ARGLU1: variants seen among roughly 807,000 people sequenced by gnomAD.
ARGLU1 encodes arginine and glutamate-rich protein 1.
In ARGLU1, 9 loss-of-function variants were observed where a neutral mutation model predicts 37.6. The observed-to-expected ratio is 0.24, with a 90% CI of 0.14 to 0.42. ARGLU1 has a LOEUF of 0.42. Ranked by LOEUF, ARGLU1 falls within the 10% of genes least tolerant of loss-of-function variation. The probability of loss-of-function intolerance (pLI) is 1.00; values close to 1 mark genes in which losing one functional copy is unlikely to be tolerated. For synonymous variants in ARGLU1, 166 were observed against 138.5 expected (o/e 1.20, Z -1.39); for missense variants, 211 against 359.2 (o/e 0.59, Z 3.34).
At chr13:106,559,726 T>A in intron 1 of ARGLU1, 69 bp from the exon 2 acceptor site, 1 of 1,493,478 alleles carries the variant, frequency 6.7e-7, no homozygotes, top group South Asian at 1.4e-5. Context: ...ACAAAACTAG[T>A]TTTAAGTCTA....
chr13:106,548,142 C>G (rs921683513), intron 3 of ARGLU1, among the ~76,000 whole-genome samples: 55 of 152,122 alleles, frequency 3.6e-4, no homozygotes, highest in African/African-American at 1.3e-3. Context: ...TTTTGTTCTA[C>G]TATGGCTTTA....
At chr13:106,562,719 C>T (rs1880843656) in intron 1 of ARGLU1, among the ~76,000 whole-genome samples, 2 of 151,996 alleles carry the variant, frequency 1.3e-5, no homozygotes, top group South Asian at 2.1e-4. Context: ...AGGCTGGGCG[C>T]GGTGGCTCAC....
At chr13:106,566,832 A>G (rs745519509) in intron 1 of ARGLU1, among the ~76,000 whole-genome samples, 13 of 152,194 alleles carry the variant, frequency 8.5e-5, no homozygotes, top group Non-Finnish European at 1.6e-4. Flanking sequence ...TGTTTGCTAC[A>G]GGAATAGAAA....
Position 106,557,181 on chromosome 13 carries a change from T to G in ARGLU1, c.574-50A>C. On this transcript the variant is annotated intron_variant, in intron 2 of 3. Coordinates refer to ENST00000400198, the MANE Select transcript of ARGLU1 (RefSeq NM_018011.4). This position sits in a 1 kb window ranked among gnomAD's most constrained non-coding sequence, Gnocchi z 5.0. ...ATTAGAAAAACAAAATGTTTATTTT[T>G]ATTGATAAATATTTACTAATCTTCC... The G allele has an allele frequency of 6.9e-7, 1 of 1,450,174 alleles. No individual in the cohort carries two copies. The highest frequency in any genetic ancestry group is 2.4e-5 in the East Asian group (1 of 42,540). The allele number at this position is 1,450,174 out of a possible 1,614,324, so 89.8% of individuals were successfully genotyped here. A position where few individuals can be genotyped will look rare whatever the true frequency, so the allele number is the denominator to read the frequency against.
rs1014700657 is a variant in ARGLU1, at chr13:106,567,500, C to G, written c.347+73G>C. The G allele has an allele frequency of 1.8e-6, 2 of 1,138,470 alleles. No homozygotes were observed. The highest frequency in any genetic ancestry group is 1.3e-5 in the South Asian group (1 of 78,392). 70.5% of individuals were successfully genotyped at this position (1,138,470 alleles called of 1,614,324 possible). ...GCCATTCTCCCGGCCCGCACCGTCCCGCCCCGGCCCCACGCCCTCGCCCCG... is the reference window on the plus strand; with the variant it reads ...GCCATTCTCCCGGCCCGCACCGTCCGGCCCCGGCCCCACGCCCTCGCCCCG... On this transcript the variant is annotated intron_variant, in intron 1 of 3. Coordinates refer to ENST00000400198, the MANE Select transcript of ARGLU1 (RefSeq NM_018011.4). The surrounding 1 kb of genome is among the most constrained non-coding windows in gnomAD (Gnocchi z 4.3).
At chr13:106,566,719 A>G (rs568237577) in intron 1 of ARGLU1, among the ~76,000 whole-genome samples, 1 of 152,358 alleles carries the variant, frequency 6.6e-6, no homozygotes, top group African/African-American at 2.4e-5. Flanking sequence ...CTCTAACTCT[A>G]GTTTTCACTA....
At chr13:106,556,566 A>G (rs1880666383) in intron 3 of ARGLU1, among the ~76,000 whole-genome samples, 1 of 151,986 alleles carries the variant, frequency 6.6e-6, no homozygotes, top group Admixed American at 6.6e-5. Context: ...ATCTTTCTAT[A>G]TTATATAATT....
chr13:106,553,648 G>C (rs780475434), intron 3 of ARGLU1, among the ~76,000 whole-genome samples: 2 of 152,070 alleles, frequency 1.3e-5, no homozygotes, highest in East Asian at 3.8e-4. Flanking sequence ...AAGAAAAGAG[G>C]GGGACATTTC....
At chr13:106,556,952 A>C (rs1880675267) in intron 3 of ARGLU1, 96 bp downstream of exon 3, 2 of 1,062,804 alleles carry the variant, frequency 1.9e-6, no homozygotes, top group Non-Finnish European at 2.9e-6. Context: ...CCCCCAAAAT[A>C]AGTCAAATTA....
intron 2 of ARGLU1, chr13:106,559,107 C>T (rs1190574197): frequency 7.9e-7 from 1 of 1,259,044 alleles, no homozygotes; most frequent in Non-Finnish European, 1.0e-6. Context: ...TTTCCCTTTA[C>T]CACTCCCTGT....
At chr13:106,556,514 T>C (rs1474688976) in intron 3 of ARGLU1, among the ~76,000 whole-genome samples, 1 of 151,776 alleles carries the variant, frequency 6.6e-6, no homozygotes, top group Non-Finnish European at 1.5e-5. Flanking sequence ...AATTTCTTTA[T>C]ACCATGTAAC....
intron 3 of ARGLU1, among the ~76,000 whole-genome samples, chr13:106,547,498 C>T (rs1405373654): frequency 6.6e-6 from 1 of 151,830 alleles, no homozygotes; most frequent in Non-Finnish European, 1.5e-5. Flanking sequence ...AAATAAATTA[C>T]TGAAGATATA....
At chr13:106,564,357 T>C (rs1880899951) in intron 1 of ARGLU1, among the ~76,000 whole-genome samples, 1 of 152,216 alleles carries the variant, frequency 6.6e-6, no homozygotes, top group Admixed American at 6.5e-5. Context: ...CAAGACAGAT[T>C]ATCTCCATTT....
chr13:106,550,147 G>A (rs1880498954), intron 3 of ARGLU1, among the ~76,000 whole-genome samples: 1 of 152,026 alleles, frequency 6.6e-6, no homozygotes, highest in African/African-American at 2.4e-5. Flanking sequence ...GTCTTTTCTG[G>A]TTCCTACAAC....
In ARGLU1 at chr13:106,567,750, C is replaced by A; in HGVS notation, c.170G>T (p.Arg57Leu). 11 of 1,611,468 alleles carry A rather than the reference C, an allele frequency of 6.8e-6. No individual in the cohort carries two copies. The highest frequency in any genetic ancestry group is 8.5e-6 in the Non-Finnish European group (10 of 1,179,138). ...CACGGCCGTGTTGGTGGAGCGCGAA[C>A]GGGACCGCGACTCCCGCCGCCGGTT... ...KRNRRRESRS[R>L]SRSTNTAVSR... Residue 57 changes from arginine to leucine, a missense_variant, in exon 1 of 4, where the codon CGT (arginine) becomes CTT (leucine). Physicochemically the swap from Arg to Leu is moderately radical, Grantham distance 102. Transcript: ENST00000400198. This position sits in a 1 kb window ranked among gnomAD's most constrained non-coding sequence, Gnocchi z 4.3.
intron 2 of ARGLU1, chr13:106,559,191 C>T: frequency 6.8e-7 from 1 of 1,468,976 alleles, no homozygotes; most frequent in Non-Finnish European, 9.0e-7. Context: ...TCTCAAATAG[C>T]CAGTTCCATT....
At chr13:106,553,272 T>G (rs1000193398) in intron 3 of ARGLU1, among the ~76,000 whole-genome samples, 1 of 152,204 alleles carries the variant, frequency 6.6e-6, no homozygotes, top group Non-Finnish European at 1.5e-5. Context: ...TCATATTGGA[T>G]ATATAAATTT....
chr13:106,554,215 T>C (rs191445435), intron 3 of ARGLU1, among the ~76,000 whole-genome samples: 7 of 152,356 alleles, frequency 4.6e-5, no homozygotes, highest in Non-Finnish European at 8.8e-5. Flanking sequence ...TGTTAAATTA[T>C]TTTAAAGCAC....
intron 3 of ARGLU1, among the ~76,000 whole-genome samples, chr13:106,544,746 T>C (rs1413086141): frequency 2.0e-5 from 3 of 152,156 alleles, no homozygotes; most frequent in African/African-American, 7.2e-5. Context: ...CTGGGGCTTT[T>C]TGTGTGGTCA....
Sources: gnomAD v4.1 joint callset for allele counts (sites outside exome capture counted in the v4.1 genomes callset) on GRCh38, gnomAD v4.1.1 for gene constraint, Gnocchi (gnomAD v3.1) non-coding constraint, MANE v1.5 for transcripts, NCBI Gene and HGNC (gene_info 2026-07-23, HGNC 2026-07-21) for gene names.